The following IQCM variants were observed in gnomAD, a reference collection of about 807,000 sequenced individuals.
IQCM encodes IQ domain-containing protein M.
In IQCM, 45 loss-of-function variants were observed where a neutral mutation model predicts 57.6. The ratio of observed to expected loss-of-function variants is 0.78; its 90% CI spans 0.62 to 1.00. The LOEUF is 1.00. Among genes scored for constraint, IQCM ranks in the 50% least tolerant of loss-of-function variants. The pLI is 0.00. For synonymous variants in IQCM, 148 were observed against 158.9 expected (o/e 0.93, Z 0.51); for missense variants, 468 against 511.6 (o/e 0.91, Z 0.82).
rs1459816688 is a variant in IQCM, at chr4:149,742,736, A to G, written c.-45T>C. The stretch of plus-strand genomic sequence containing the variant: ...CTTCTTTTTTAAAGTGTGAGCTCCA[A>G]GTCCTTAAACACAGTTACATTAAGT... On this transcript the variant is annotated 5_prime_UTR_variant, in exon 3 of 14. Transcript: ENST00000636793. The G allele has an allele frequency of 2.5e-6, 3 of 1,182,164 alleles. No homozygotes were observed. The highest frequency in any genetic ancestry group is 2.1e-6 in the Non-Finnish European group (2 of 942,598). The allele number at this position is 1,182,164 out of a possible 1,614,324, so 73.2% of individuals were successfully genotyped here.
intron 2 of IQCM, among the ~76,000 whole-genome samples, chr4:149,760,588 C>T (rs1050410412): frequency 2.0e-5 from 3 of 151,928 alleles, no homozygotes; most frequent in Non-Finnish European, 4.4e-5. Context: ...TGGAAAATGC[C>T]TTTTAGGCCA....
At chr4:149,673,520 CA>C (rs1196236278) in intron 7 of IQCM, among the ~76,000 whole-genome samples, 1 of 152,012 alleles carries the variant, frequency 6.6e-6, no homozygotes, top group Non-Finnish European at 1.5e-5. Flanking sequence ...TCAAAAGAGA[CA>C]AAGAAGGCCA....
intron 2 of IQCM, among the ~76,000 whole-genome samples, chr4:149,774,218 A>C (rs1431808408): frequency 6.6e-6 from 1 of 152,174 alleles, no homozygotes; most frequent in Non-Finnish European, 1.5e-5. Flanking sequence ...TGGTAAAAAA[A>C]CACATAACAT....
At chr4:149,702,031 T>C (rs1379740453) in intron 5 of IQCM, among the ~76,000 whole-genome samples, 2 of 151,972 alleles carry the variant, frequency 1.3e-5, no homozygotes, top group African/African-American at 4.8e-5. Flanking sequence ...CTTGATCTAA[T>C]CCAGTATAAA....
chr4:149,777,134 C>T (rs1771164395), intron 2 of IQCM, among the ~76,000 whole-genome samples: 2 of 152,164 alleles, frequency 1.3e-5, no homozygotes, highest in Non-Finnish European at 2.9e-5. Flanking sequence ...TCTCTTCTAC[C>T]TATGACCACT....
intron 9 of IQCM, among the ~76,000 whole-genome samples, chr4:149,576,564 AG>A (rs1280867311): frequency 6.6e-6 from 1 of 151,950 alleles, no homozygotes; most frequent in Non-Finnish European, 1.5e-5. Context: ...GTTACTGCAA[AG>A]AATAGGATTT....
At chr4:149,626,032 T>A (rs1756764427) in intron 7 of IQCM, among the ~76,000 whole-genome samples, 1 of 152,122 alleles carries the variant, frequency 6.6e-6, no homozygotes, top group Non-Finnish European at 1.5e-5. Flanking sequence ...TCAACTTGAC[T>A]GGATTGAAGG....
At position 149,390,001 on chromosome 4, in the gene IQCM, GA is replaced by G. The variant is rs561734169; in HGVS notation, c.1391-37936del. 1.4e-4 allele frequency among the ~76,000 whole-genome samples: 21 copies of G among 150,796 alleles called. 1 individual carries two copies. The highest frequency in any genetic ancestry group is 9.3e-4 in the Admixed American group (14 of 15,112). ...TTTAGAATCAGCTTATGAATTTCTA[GA>G]AAAAAAAACTTAGATTTTATATGGA... On this transcript the variant is annotated intron_variant, in intron 13 of 13. Coordinates refer to ENST00000636793, the MANE Select transcript of IQCM (RefSeq NM_001363507.2).
At chr4:149,505,459 T>C (rs1001132531) in intron 12 of IQCM, among the ~76,000 whole-genome samples, 14 of 152,228 alleles carry the variant, frequency 9.2e-5, no homozygotes, top group African/African-American at 3.4e-4. Flanking sequence ...ATTTTTCATC[T>C]TCTTTAAGAT....
intron 5 of IQCM, among the ~76,000 whole-genome samples, chr4:149,694,763 T>G (rs1199768939): frequency 6.6e-6 from 1 of 152,182 alleles, no homozygotes; most frequent in Non-Finnish European, 1.5e-5. Flanking sequence ...GGATTTTATG[T>G]TGTGAAAATA....
rs191386953 is a variant in IQCM, at chr4:149,554,799, A to T, written c.949-1512T>A. ...ACTGCAAGCTCCACCTCCCGGGTTC[A>T]CGCCATTCTCCTGCCTCAGCCTCCA... On this transcript the variant is annotated intron_variant, in intron 10 of 13. Coordinates refer to ENST00000636793, the MANE Select transcript of IQCM (RefSeq NM_001363507.2). Among the ~76,000 whole-genome samples the T allele has an allele frequency of 8.2e-3, 1,240 of 151,346 alleles. 12 individuals carry two copies. Among genetic ancestry groups the T allele is most frequent in the Non-Finnish European group, 0.011 (736 of 67,874 alleles).
intron 2 of IQCM, among the ~76,000 whole-genome samples, chr4:149,767,748 C>A (rs1048690598): frequency 1.3e-5 from 2 of 152,030 alleles, no homozygotes; most frequent in African/African-American, 4.8e-5. Context: ...GTGTTTATTA[C>A]CTTTGCTGAT....
At chr4:149,447,918 T>C (rs1040699954) in intron 12 of IQCM, among the ~76,000 whole-genome samples, 1 of 151,564 alleles carries the variant, frequency 6.6e-6, no homozygotes, top group Non-Finnish European at 1.5e-5. Flanking sequence ...GGAACAAAGA[T>C]AGGAATTAGA....
chr4:149,598,225 C>T (rs1309270079), intron 8 of IQCM, among the ~76,000 whole-genome samples: 1 of 152,184 alleles, frequency 6.6e-6, no homozygotes, highest in Non-Finnish European at 1.5e-5. Flanking sequence ...TATAGATAAA[C>T]TTTAACAAAC....
At chr4:149,372,616 A>T (rs1173707073) in intron 13 of IQCM, among the ~76,000 whole-genome samples, 1 of 152,278 alleles carries the variant, frequency 6.6e-6, no homozygotes, top group South Asian at 2.1e-4. Context: ...TTTTCTGACC[A>T]TAACATTTAT....
intron 13 of IQCM, among the ~76,000 whole-genome samples, chr4:149,367,105 C>T (rs1729898422): frequency 6.6e-6 from 1 of 151,950 alleles, no homozygotes; most frequent in African/African-American, 2.4e-5. Flanking sequence ...TTATGAGAAG[C>T]TAAGACTCCT....
intron 12 of IQCM, among the ~76,000 whole-genome samples, chr4:149,505,448 A>C (rs1743704833): frequency 1.3e-5 from 2 of 152,192 alleles, no homozygotes; most frequent in African/African-American, 4.8e-5. Flanking sequence ...TGGAAAGATA[A>C]ATTTTTCATC....
At chr4:149,543,944 G>T (rs954472567) in intron 12 of IQCM, among the ~76,000 whole-genome samples, 1 of 152,016 alleles carries the variant, frequency 6.6e-6, no homozygotes, top group African/African-American at 2.4e-5. Context: ...ATTGTTCCAG[G>T]TACTAGGATA....
At chr4:149,733,595 A>T (rs1266336332) in intron 4 of IQCM, 87 bp from the exon 5 acceptor site, 1 of 630,866 alleles carries the variant, frequency 1.6e-6, no homozygotes, top group African/African-American at 1.9e-5. Flanking sequence ...TAATAAGTTC[A>T]TGAAATTGCA....
Sources: allele counts gnomAD v4.1 joint callset (sites outside exome capture counted in the v4.1 genomes callset), GRCh38; gene constraint gnomAD v4.1.1; transcripts MANE v1.5; gene names NCBI Gene and HGNC (gene_info 2026-07-23, HGNC 2026-07-21).